Variants in TIAM2 observed in about 807,000 individuals in gnomAD.
TIAM2 encodes the protein rho guanine nucleotide exchange factor TIAM2.
TIAM2 carries 80 observed loss-of-function variants against 152.9 expected under a neutral mutation model. The ratio of observed to expected loss-of-function variants is 0.52; its 90% CI spans 0.44 to 0.63. TIAM2 has a LOEUF of 0.63. Among genes scored for constraint, TIAM2 ranks in the 30% least tolerant of loss-of-function variants. The pLI, the probability that TIAM2 is intolerant of heterozygous loss-of-function variation, is 0.00. For missense variants in TIAM2, 1,965 were observed against 2,120.1 expected (o/e 0.93, Z 1.44); for synonymous variants, 804 against 838.0 (o/e 0.96, Z 0.70).
In TIAM2 at chr6:155,133,816, C is replaced by T. The variant is rs888124274; in HGVS notation, c.1195-3361C>T. On this transcript the variant is annotated intron_variant, in intron 4 of 26. Coordinates refer to ENST00000682666, the MANE Select transcript of TIAM2 (RefSeq NM_012454.4). ...GTGGCGCCATGTCGGCTCACTCAAG[C>T]GATTCTCCTGCCTCAGCGTCCTGAG... Among the ~76,000 whole-genome samples, 12 of 151,872 alleles carry T rather than the reference C, an allele frequency of 7.9e-5. No individual in the cohort carries two copies. The East Asian group carries it at 2.1e-3, about 27-fold the overall frequency.
At chr6:155,021,879 C>A (rs1478201613) in intron 1 of TIAM2, among the ~76,000 whole-genome samples, 1 of 152,196 alleles carries the variant, frequency 6.6e-6, no homozygotes, top group Non-Finnish European at 1.5e-5. Flanking sequence ...ACAGTGCACA[C>A]ATCAGTGCTG....
At chr6:155,021,212 GA>G (rs1258501786) in intron 1 of TIAM2, among the ~76,000 whole-genome samples, 2 of 152,214 alleles carry the variant, frequency 1.3e-5, no homozygotes, top group African/African-American at 4.8e-5. Flanking sequence ...ATCTCTTCAA[GA>G]CCCTGCTTTC....
At chr6:155,228,187 T>C (rs1041696974) in intron 15 of TIAM2, among the ~76,000 whole-genome samples, 9 of 152,194 alleles carry the variant, frequency 5.9e-5, no homozygotes, top group Non-Finnish European at 1.2e-4. Flanking sequence ...CCTAAGTATG[T>C]GGGATCTCCC....
At chr6:155,081,603 G>T (rs1298123127) in intron 1 of TIAM2, among the ~76,000 whole-genome samples, 2 of 152,166 alleles carry the variant, frequency 1.3e-5, no homozygotes, top group African/African-American at 4.8e-5. Flanking sequence ...CAGGCAGGCA[G>T]AGGCTCCCTG....
Position 155,137,229 on chromosome 6 carries a change from T to C in TIAM2, c.1247T>C (p.Leu416Pro). Residue 416 changes from leucine (L) to proline (P), a missense_variant, in exon 5 of 27, where the codon CTG becomes CCG. Physicochemically the swap from Leu to Pro is moderately conservative, Grantham distance 98. Transcript: ENST00000682666. ...SDYFDSRSDGLNTDVQGSSQA... is the reference protein window; with the variant it reads ...SDYFDSRSDGPNTDVQGSSQA... The stretch of plus-strand genomic sequence containing the variant: ...TACTTTGACAGTCGCTCTGATGGAC[T>C]GAATACAGATGTGCAGGGATCCTCC... 1.2e-6 allele frequency: 2 copies of C among 1,614,228 alleles called. No homozygotes were observed. Among genetic ancestry groups the C allele is most frequent in the Non-Finnish European group, 1.7e-6 (2 of 1,180,042 alleles).
At chr6:155,190,243 C>T (rs117320160) in intron 14 of TIAM2, among the ~76,000 whole-genome samples, 3 of 152,324 alleles carry the variant, frequency 2.0e-5, no homozygotes, top group Non-Finnish European at 4.4e-5. Flanking sequence ...TCTCTGATCC[C>T]ACCACTCTAG....
intron 16 of TIAM2, among the ~76,000 whole-genome samples, chr6:155,243,400 G>A (rs1335658483): frequency 6.6e-6 from 1 of 152,314 alleles, no homozygotes; most frequent in Admixed American, 6.5e-5. Context: ...CCCTGCTGCA[G>A]TGGCCTGAAG....
chr6:155,028,828 G>GTT (rs1478560882), intron 1 of TIAM2, among the ~76,000 whole-genome samples: 1 of 131,518 alleles, frequency 7.6e-6, no homozygotes, highest in African/African-American at 2.9e-5. Context: ...TATATACTGT[G>GTT]TTATATATAT....
intron 1 of TIAM2, among the ~76,000 whole-genome samples, chr6:155,059,744 G>A (rs564649561): frequency 5.3e-5 from 8 of 152,252 alleles, no homozygotes; most frequent in African/African-American, 1.9e-4. Flanking sequence ...CTTACTACTG[G>A]TGACATTAAC....
At chr6:155,013,347 T>C (rs1270755323) in intron 1 of TIAM2, among the ~76,000 whole-genome samples, 1 of 152,148 alleles carries the variant, frequency 6.6e-6, no homozygotes, top group Non-Finnish European at 1.5e-5. Context: ...TGGAGTTTTG[T>C]CTCTTTTGCT....
intron 2 of TIAM2, among the ~76,000 whole-genome samples, chr6:155,100,026 G>A (rs1778519946): frequency 6.8e-6 from 1 of 147,154 alleles, no homozygotes; most frequent in Non-Finnish European, 1.5e-5. Flanking sequence ...ATAATCACGT[G>A]GAACCACCGT....
At chr6:155,096,894 A>C (rs985849636) in intron 2 of TIAM2, among the ~76,000 whole-genome samples, 3 of 152,166 alleles carry the variant, frequency 2.0e-5, no homozygotes, top group South Asian at 4.1e-4. Context: ...ATCACATGGT[A>C]GTTCTATTTT....
chr6:155,152,344 C>T (rs942023678), intron 7 of TIAM2, among the ~76,000 whole-genome samples: 2 of 152,320 alleles, frequency 1.3e-5, no homozygotes, highest in Non-Finnish European at 2.9e-5. Context: ...GCTGCCCCCA[C>T]GAGCCCAGCT....
At chr6:155,116,686 A>G (rs1779021079) in intron 2 of TIAM2, among the ~76,000 whole-genome samples, 1 of 152,176 alleles carries the variant, frequency 6.6e-6, no homozygotes. Flanking sequence ...ATAGTCAGCA[A>G]GAAGCTGTGT....
At chr6:155,011,474 T>TAG (rs1778488508) in intron 1 of TIAM2, among the ~76,000 whole-genome samples, 1 of 152,188 alleles carries the variant, frequency 6.6e-6, no homozygotes, top group Non-Finnish European at 1.5e-5. Context: ...TTGAAAAACT[T>TAG]AGACGATCAC....
chr6:155,211,441 T>C (rs1781715964), intron 15 of TIAM2, 134 bp downstream of exon 15: 1 of 622,622 alleles, frequency 1.6e-6, no homozygotes, highest in Non-Finnish European at 2.8e-6. Flanking sequence ...TACATATATA[T>C]GTTAAGGATA....
chr6:155,130,547 T>A, intron 4 of TIAM2, 130 bp downstream of exon 4: 1 of 790,844 alleles, frequency 1.3e-6, no homozygotes, highest in Non-Finnish European at 2.0e-6. Flanking sequence ...AAGAGTTCAG[T>A]GGAAAGCCTG....
At chr6:155,036,470 G>C in intron 1 of TIAM2, among the ~76,000 whole-genome samples, 1 of 145,802 alleles carries the variant, frequency 6.9e-6, no homozygotes, top group Admixed American at 7.0e-5. Flanking sequence ...GGAGGTGGAG[G>C]TTTCAGTGAG....
intron 9 of TIAM2, 101 bp downstream of exon 9, chr6:155,165,510 T>C (rs556150275): frequency 4.6e-5 from 68 of 1,478,426 alleles, no homozygotes; most frequent in Non-Finnish European, 6.0e-5. Flanking sequence ...CTGTTAAGAA[T>C]GAAATGAGGC....
Sources: allele counts gnomAD v4.1 joint callset (sites outside exome capture counted in the v4.1 genomes callset), GRCh38; gene constraint gnomAD v4.1.1; transcripts MANE v1.5; gene names NCBI Gene and HGNC (gene_info 2026-07-23, HGNC 2026-07-21).